The following ATXN7L1 variants were observed in gnomAD, a reference collection of about 807,000 sequenced individuals.
ATXN7L1 encodes the protein ataxin 7 like 1.
Under a neutral mutation model 70.8 loss-of-function variants are expected in ATXN7L1, and 15 were observed. That is an observed-to-expected ratio of 0.21 (90% CI 0.14 to 0.33). The LOEUF (loss-of-function observed/expected upper bound fraction) is 0.33. Among genes scored for constraint, ATXN7L1 ranks in the 10% least tolerant of loss-of-function variants. ATXN7L1 has a pLI of 1.00. For missense variants in ATXN7L1, 975 were observed against 1,097.1 expected (o/e 0.89, Z 1.57); for synonymous variants, 440 against 445.1 (o/e 0.99, Z 0.14).
intron 7 of ATXN7L1, 134 bp from the exon 8 acceptor site, chr7:105,624,401 C>T (rs780623663): frequency 2.2e-5 from 20 of 920,978 alleles, no homozygotes; most frequent in South Asian, 8.9e-5. Flanking sequence ...CCTGTAATCC[C>T]GGCACTTTGG....
chr7:105,681,118 T>C (rs1805491618), intron 3 of ATXN7L1, among the ~76,000 whole-genome samples: 1 of 152,106 alleles, frequency 6.6e-6, no homozygotes, highest in Admixed American at 6.6e-5. Context: ...AACAGGCAGG[T>C]TCAATCTAAT....
intron 3 of ATXN7L1, among the ~76,000 whole-genome samples, chr7:105,667,791 C>T (rs1299122533): frequency 6.6e-6 from 1 of 151,756 alleles, no homozygotes; most frequent in Non-Finnish European, 1.5e-5. Flanking sequence ...AGCTAGTTAG[C>T]GACAATCCTG....
At chr7:105,781,435 C>A (rs1294597194) in intron 3 of ATXN7L1, among the ~76,000 whole-genome samples, 1 of 152,134 alleles carries the variant, frequency 6.6e-6, no homozygotes, top group African/African-American at 2.4e-5. Context: ...AGGCACCTTG[C>A]ACCTCCTTGT....
At chr7:105,738,607 T>C (rs559599966) in intron 3 of ATXN7L1, among the ~76,000 whole-genome samples, 116 of 152,364 alleles carry the variant, frequency 7.6e-4, no homozygotes, top group Non-Finnish European at 1.3e-3. Context: ...ATTGGGGAAA[T>C]TGACGATCAA....
At chr7:105,819,583 G>A (rs1809771506) in intron 2 of ATXN7L1, 14 of 999,156 alleles carry the variant, frequency 1.4e-5, no homozygotes, top group Middle Eastern at 2.3e-4. Flanking sequence ...CTGCTGGGCC[G>A]GAAGGTGGAG....
At chr7:105,761,064 T>C in intron 3 of ATXN7L1, 1 of 696,016 alleles carries the variant, frequency 1.4e-6, no homozygotes, top group Non-Finnish European at 1.8e-6. Flanking sequence ...GAATGAATTG[T>C]AGAGGAGCAA....
intron 2 of ATXN7L1, among the ~76,000 whole-genome samples, chr7:105,838,756 T>G (rs1812778778): frequency 6.6e-6 from 1 of 152,128 alleles, no homozygotes; most frequent in African/African-American, 2.4e-5. Context: ...CAGAGCAACG[T>G]GGAAATGACC....
At chr7:105,684,823 T>A (rs1805960430) in intron 3 of ATXN7L1, among the ~76,000 whole-genome samples, 1 of 152,152 alleles carries the variant, frequency 6.6e-6, no homozygotes, top group East Asian at 1.9e-4. Context: ...AAAGCACTCT[T>A]GAGATATGGT....
chr7:105,838,280 T>C (rs1446969918), intron 2 of ATXN7L1, among the ~76,000 whole-genome samples: 1 of 152,184 alleles, frequency 6.6e-6, no homozygotes, highest in Admixed American at 6.5e-5. Flanking sequence ...CGGCTGAGCA[T>C]GCTGCCAGGA....
intron 2 of ATXN7L1, among the ~76,000 whole-genome samples, chr7:105,838,072 C>CAAATT (rs1286868120): frequency 6.6e-6 from 1 of 152,210 alleles, no homozygotes; most frequent in African/African-American, 2.4e-5. Context: ...CAATAACTTA[C>CAAATT]ATTGGCTGTG....
chr7:105,619,296 C>T (rs540631168), intron 9 of ATXN7L1, among the ~76,000 whole-genome samples: 43 of 146,574 alleles, frequency 2.9e-4, no homozygotes, highest in East Asian at 6.0e-4. Flanking sequence ...TACAGGTGTG[C>T]GCCACCACAC....
chr7:105,836,590 T>C (rs555896231), intron 2 of ATXN7L1, among the ~76,000 whole-genome samples: 9 of 152,130 alleles, frequency 5.9e-5, no homozygotes, highest in Non-Finnish European at 1.3e-4. Context: ...AAGAAAGTGT[T>C]AGAACTGGGA....
At chr7:105,623,970 C>A (rs375514048) in intron 8 of ATXN7L1, 105 bp downstream of exon 8, 1 of 1,080,154 alleles carries the variant, frequency 9.3e-7, no homozygotes, top group Non-Finnish European at 1.2e-6. Flanking sequence ...TAAAACACTG[C>A]GCAGGCAGCC....
chr7:105,858,612 G>C lies in ATXN7L1; in HGVS notation c.250+17200C>G, dbSNP rs186280553. 1.1e-3 allele frequency among the ~76,000 whole-genome samples: 174 copies of C among 152,262 alleles called. 1 individual carries two copies. Among genetic ancestry groups the C allele is most frequent in the Middle Eastern group, 0.01 (3 of 294 alleles). On this transcript the variant is annotated intron_variant, in intron 2 of 11. Transcript: ENST00000419735. ...ACAACGTTTGCAATGGGCAGCAGTG[G>C]TCACCACCTTACGAAGTCATCCATA...
At chr7:105,828,818 G>A (rs1018524317) in intron 2 of ATXN7L1, among the ~76,000 whole-genome samples, 5 of 152,304 alleles carry the variant, frequency 3.3e-5, no homozygotes, top group Admixed American at 3.3e-4. Context: ...AAAATTCACT[G>A]AGGGAGATGA....
rs191351491 is a variant in ATXN7L1, at chr7:105,864,423, C to T, written c.250+11389G>A. ...CAGTGAGCTTGATCATGCCACTGCA[C>T]TCCAGCCTGGGTGGCAGAGAGAGGC... On this transcript the variant is annotated intron_variant, in intron 2 of 11. Coordinates refer to ENST00000419735, the MANE Select transcript of ATXN7L1 (RefSeq NM_020725.2). Among the ~76,000 whole-genome samples, 14 of 139,338 alleles carry T rather than the reference C, an allele frequency of 1.0e-4. No homozygotes were observed. The East Asian group carries it at 2.9e-3, about 29-fold the overall frequency. 91.4% of individuals were successfully genotyped at this position (139,338 alleles called of 152,430 possible).
At position 105,709,870 on chromosome 7, in the gene ATXN7L1, T is replaced by C. The variant is rs180764723; in HGVS notation, c.356-44582A>G. ...CCCATACCCAAATAATAATAAAGCT[T>C]GCTTTGCTTTTTTTTTTTTTGATAC... is the stretch of plus-strand genomic sequence containing the variant. On this transcript the variant is annotated intron_variant, in intron 3 of 11. Coordinates refer to ENST00000419735, the MANE Select transcript of ATXN7L1 (RefSeq NM_020725.2). Among the ~76,000 whole-genome samples the C allele has an allele frequency of 1.7e-3, 252 of 148,198 alleles. 3 individuals are homozygous for C. The highest frequency in any genetic ancestry group is 6.2e-3 in the African/African-American group (243 of 39,208).
chr7:105,676,748 G>C (rs960695862), intron 3 of ATXN7L1, among the ~76,000 whole-genome samples: 7 of 152,114 alleles, frequency 4.6e-5, no homozygotes, highest in African/African-American at 1.7e-4. Flanking sequence ...GCCGAGGCAG[G>C]AGAATCGCTT....
chr7:105,806,681 CAAG>C (rs928117534), intron 2 of ATXN7L1, among the ~76,000 whole-genome samples: 1 of 151,920 alleles, frequency 6.6e-6, no homozygotes, highest in African/African-American at 2.4e-5. Flanking sequence ...CAATAAATAA[CAAG>C]AAGATGAGAG....
Sources: allele counts gnomAD v4.1 joint callset (sites outside exome capture counted in the v4.1 genomes callset), GRCh38; gene constraint gnomAD v4.1.1; transcripts MANE v1.5; gene names NCBI Gene and HGNC (gene_info 2026-07-23, HGNC 2026-07-21).